Variants in SRM observed in about 807,000 individuals in gnomAD.
SRM encodes putrescine aminopropyltransferase.
In SRM, 14 loss-of-function variants were observed where a neutral mutation model predicts 39.3. That is an observed-to-expected ratio of 0.36 (90% confidence interval 0.24 to 0.56). The LOEUF is 0.56. Among genes scored for constraint, SRM ranks in the 20% least tolerant of loss-of-function variants. SRM has a pLI of 0.86. For synonymous variants in SRM, 195 were observed against 173.1 expected (o/e 1.13, Z -0.99); for missense variants, 244 against 409.2 (o/e 0.60, Z 3.48).
rs1456813332 is a variant in SRM at position 11,054,822 on chromosome 1, C to T, written c.*43G>A. 3 of 1,566,792 alleles carry T rather than the reference C, an allele frequency of 1.9e-6. No homozygotes were observed. Among genetic ancestry groups the T allele is most frequent in the Non-Finnish European group, 1.7e-6 (2 of 1,155,024 alleles). Reference sequence around the variant, plus strand: ...AGGGGCCGAGGCACCCCGCAGGCTCCAAGGTCCGAGGTCCTGGGTGGCATC... The same window carrying T: ...AGGGGCCGAGGCACCCCGCAGGCTCTAAGGTCCGAGGTCCTGGGTGGCATC... On this transcript the variant is annotated 3_prime_UTR_variant, in exon 8 of 8. Transcript: ENST00000376957. The surrounding 1 kb of genome is among the most constrained non-coding windows in gnomAD (Gnocchi z 4.8).
In SRM at chr1:11,058,843, T is replaced by C. The variant is rs774724271; in HGVS notation, c.338A>G (p.Lys113Arg). ...GACCACGGACTCCACGGAGGGGTGC[T>C]TCACCACCTCCCGCAGGACACCTCC... ...GDGGVLREVV[K>R]HPSVESVVQC... is the part of the protein sequence containing the mutation. Residue 113 changes from lysine to arginine, a missense_variant, in exon 3 of 8, where the codon AAG becomes AGG. Physicochemically the swap from Lys to Arg is conservative, Grantham distance 26. Transcript: ENST00000376957. 1 of 1,611,894 alleles carries C rather than the reference T, an allele frequency of 6.2e-7. No individual in the cohort carries two copies. Among genetic ancestry groups the C allele is most frequent in the Non-Finnish European group, 8.5e-7 (1 of 1,179,644 alleles).
At chr1:11,056,947 T>C (rs1446541754) in intron 3 of SRM, among the ~76,000 whole-genome samples, 190 bp from the exon 4 acceptor site, 1 of 150,242 alleles carries the variant, frequency 6.7e-6, no homozygotes, top group Non-Finnish European at 1.5e-5. Flanking sequence ...GCATCGATCA[T>C]GGCTCACTAC....
In SRM at chr1:11,056,590, C is replaced by A. The variant is rs774958317; in HGVS notation, c.535+14G>T. The stretch of plus-strand genomic sequence containing the variant: ...GCAGCTGCCAGAAAACCCTGGGGCC[C>A]ATCCACTGCTTACCCATGGGGTCTG... On this transcript the variant is annotated intron_variant, in intron 4 of 7. Transcript: ENST00000376957. The A allele has an allele frequency of 3.1e-6, 5 of 1,613,738 alleles. No individual in the cohort carries two copies. In the East Asian group the frequency reaches 8.9e-5, roughly 29 times the overall value.
At chr1:11,058,762 G>C (rs1416738496) in intron 3 of SRM, 38 bp downstream of exon 3, 7 of 1,553,108 alleles carry the variant, frequency 4.5e-6, no homozygotes, top group African/African-American at 1.4e-5. Context: ...GCCGCTGGGA[G>C]AACCAGGACT....
chr1:11,059,495 G>A (rs2100924377), intron 1 of SRM, 150 bp from the exon 2 acceptor site: 2 of 1,392,322 alleles, frequency 1.4e-6, no homozygotes, highest in South Asian at 1.3e-5. Flanking sequence ...ACGGCAGGCG[G>A]GCCGCCGGGT....
In SRM at chr1:11,055,093, C is replaced by T. The variant is rs769524605; in HGVS notation, c.766-9G>A. 1.9e-6 allele frequency: 3 copies of T among 1,605,094 alleles called. No individual in the cohort carries two copies. The highest frequency in any genetic ancestry group is 1.7e-6 in the Non-Finnish European group (2 of 1,176,300). ...TCCTGGAAGTTCGTGCTCTGGGGAC[C>T]GGGCCAGGGGCACATCAGGGGGGGC... is the stretch of plus-strand genomic sequence containing the variant. On this transcript the variant is annotated splice_polypyrimidine_tract_variant and intron_variant, in intron 6 of 7. Transcript: ENST00000376957.
At chr1:11,057,618 C>G (rs564655680) in intron 3 of SRM, among the ~76,000 whole-genome samples, 3 of 150,686 alleles carry the variant, frequency 2.0e-5, no homozygotes, top group African/African-American at 7.3e-5. Flanking sequence ...ACCTCCCCCT[C>G]CCTGCACACG....
intron 1 of SRM, 104 bp downstream of exon 1, chr1:11,059,673 G>A (rs1048719290): frequency 3.0e-5 from 39 of 1,315,332 alleles, no homozygotes; most frequent in East Asian, 5.2e-5. Context: ...AGGGCAGGAC[G>A]AGGTCCAGCC....
chr1:11,056,740 G>A lies in SRM; in HGVS notation c.399C>T (p.Ser133=). Residue 133 remains serine, a synonymous_variant, in exon 4 of 8, where the codon TCC becomes TCT. Coordinates refer to ENST00000376957, the MANE Select transcript of SRM (RefSeq NM_003132.3). ...CEIDEDVIQV[S]KKFLPGMAIG... ...TGGCCATGCCTGGCAGGAACTTCTT[G>A]GAGACTTGGATGACATCCTGGAGGG... The A allele has an allele frequency of 6.2e-7, 1 of 1,614,186 alleles. No individual in the cohort carries two copies.
At chr1:11,056,490 C>T (rs1220899534) in intron 4 of SRM, 114 bp downstream of exon 4, 48 of 1,302,594 alleles carry the variant, frequency 3.7e-5, no homozygotes, top group Middle Eastern at 2.7e-4. Context: ...GGGAAAAGTA[C>T]AGCTCTAGTT....
intron 6 of SRM, among the ~76,000 whole-genome samples, 175 bp downstream of exon 6, chr1:11,055,606 G>A (rs930180244): frequency 2.6e-5 from 4 of 152,022 alleles, no homozygotes; most frequent in Non-Finnish European, 2.9e-5. Flanking sequence ...TAGTAGAGAC[G>A]GGGTTTCACC....
chr1:11,055,188 G>T, intron 6 of SRM, 104 bp from the exon 7 acceptor site: 1 of 1,427,424 alleles, frequency 7.0e-7, no homozygotes, highest in Non-Finnish European at 9.2e-7. Flanking sequence ...CGTCATCTCA[G>T]CTCACTGCAA....
intron 3 of SRM, among the ~76,000 whole-genome samples, chr1:11,058,286 C>T (rs1424881221): frequency 6.7e-5 from 10 of 149,312 alleles, no homozygotes; most frequent in African/African-American, 2.5e-4. Flanking sequence ...GTCGGCTGGG[C>T]GTGGTGGCTC....
At chr1:11,057,479 A>T (rs2791642) in intron 3 of SRM, among the ~76,000 whole-genome samples, 90,307 of 133,208 alleles carry the variant, frequency 0.68, 29,745 homozygotes, top group East Asian at 0.77. Context: ...TTTTTTTTTT[A>T]TTTTTAGTAG....
chr1:11,059,676 G>T, intron 1 of SRM, 101 bp downstream of exon 1: 1 of 1,368,544 alleles, frequency 7.3e-7, no homozygotes, highest in South Asian at 1.4e-5. Context: ...GCAGGACGAG[G>T]TCCAGCCCGC....
In SRM at chr1:11,058,497, G is replaced by A. The variant is rs538357612; in HGVS notation, c.381+303C>T. On this transcript the variant is annotated intron_variant, in intron 3 of 7. Coordinates refer to ENST00000376957, the MANE Select transcript of SRM (RefSeq NM_003132.3). ...AACTACTTGAGCCCAGGAGGTGGAG[G>A]TTGCAGTGAGCCGAGATCGCACCAT... Among the ~76,000 whole-genome samples the A allele has an allele frequency of 4.0e-4, 61 of 150,646 alleles. 1 individual carries two copies. The highest frequency in any genetic ancestry group is 1.4e-3 in the African/African-American group (56 of 40,908).
At chr1:11,057,666 A>C (rs1570767716) in intron 3 of SRM, among the ~76,000 whole-genome samples, 4 of 127,248 alleles carry the variant, frequency 3.1e-5, no homozygotes, top group Non-Finnish European at 3.2e-5. Context: ...CTCAAACGCC[A>C]CCTCCTGGAG....
At chr1:11,058,158 G>A (rs186422630) in intron 3 of SRM, among the ~76,000 whole-genome samples, 11 of 152,226 alleles carry the variant, frequency 7.2e-5, no homozygotes, top group African/African-American at 2.4e-4. Context: ...CCCCATACCC[G>A]GGCAACACCT....
intron 6 of SRM, 140 bp from the exon 7 acceptor site, chr1:11,055,224 T>C: frequency 7.7e-7 from 1 of 1,291,716 alleles, no homozygotes; most frequent in South Asian, 1.6e-5. Flanking sequence ...TTCAAGTGAT[T>C]CTCCTGCCTC....
Sources: gnomAD v4.1 joint callset for allele counts (sites outside exome capture counted in the v4.1 genomes callset) on GRCh38, gnomAD v4.1.1 for gene constraint, Gnocchi (gnomAD v3.1) non-coding constraint, MANE v1.5 for transcripts, NCBI Gene and HGNC (gene_info 2026-07-23, HGNC 2026-07-21) for gene names.